The following ATP10B variants were observed in gnomAD, a reference collection of about 807,000 sequenced individuals.
The protein encoded by ATP10B is phospholipid-transporting ATPase VB.
ATP10B carries 122 observed loss-of-function variants against 141.2 expected under a neutral mutation model. That is an observed-to-expected ratio of 0.86 (90% CI 0.75 to 1.00). ATP10B has a LOEUF of 1.00. Among genes scored for constraint, ATP10B ranks in the 50% least tolerant of loss-of-function variants. The pLI is 0.00. For synonymous variants in ATP10B, 685 were observed against 692.0 expected, an observed-to-expected ratio of 0.99 and a Z score of 0.16; for missense variants, 1,876 against 1,825.3, an observed-to-expected ratio of 1.03 and a Z score of -0.51.
chr5:160,898,188 G>C, the ATP10B span, among the ~76,000 whole-genome samples: 1 of 152,124 alleles, frequency 6.6e-6, no homozygotes, highest in African/African-American at 2.4e-5. Context: ...CACAGCAAAA[G>C]AAACTATCAT....
intron 13 of ATP10B, among the ~76,000 whole-genome samples, chr5:160,624,455 GA>G (rs1758508764): frequency 1.3e-5 from 2 of 152,194 alleles, no homozygotes; most frequent in African/African-American, 2.4e-5. Context: ...ACAACTTCCA[GA>G]AAAAAAGTCT....
chr5:160,750,902 G>A (rs1307189853), intron 2 of ATP10B, among the ~76,000 whole-genome samples: 1 of 152,120 alleles, frequency 6.6e-6, no homozygotes, highest in African/African-American at 2.4e-5. Context: ...AACCAGAAAT[G>A]CCCCAGGACT....
chr5:160,663,373 A>T (rs1365371274), intron 7 of ATP10B, among the ~76,000 whole-genome samples: 1 of 152,236 alleles, frequency 6.6e-6, no homozygotes, highest in African/African-American at 2.4e-5. Context: ...ACAATAGCAA[A>T]GACTTGGAAC....
At chr5:160,803,362 A>T (rs188654408) in intron 1 of ATP10B, among the ~76,000 whole-genome samples, 1 of 152,274 alleles carries the variant, frequency 6.6e-6, no homozygotes, top group African/African-American at 2.4e-5. Flanking sequence ...TACTTTTTAG[A>T]GGCATCAACT....
the ATP10B span, among the ~76,000 whole-genome samples, chr5:160,872,125 G>A: frequency 6.6e-6 from 1 of 152,058 alleles, no homozygotes; most frequent in Non-Finnish European, 1.5e-5. Context: ...ATTTTGGTTT[G>A]CACTTCTCTG....
rs1194308004 is a variant in ATP10B, at chr5:160,709,594, AT to A, written c.-205+7314del. 8.4e-3 allele frequency among the ~76,000 whole-genome samples: 1,090 copies of A among 129,258 alleles called. 9 individuals are homozygous for A. Among genetic ancestry groups the A allele is most frequent in the African/African-American group, 0.024 (894 of 36,548 alleles). The allele number at this position is 129,258 out of a possible 152,430, so 84.8% of individuals were successfully genotyped here. A position where few individuals can be genotyped will look rare whatever the true frequency, so the allele number is the denominator to read the frequency against. Reference sequence around the variant, plus strand: ...ATGCAATGGATACTTTCATAAACAAATTTTTTTTTTTTAATTTTTTTTTTTT... The same window carrying A: ...ATGCAATGGATACTTTCATAAACAAATTTTTTTTTTTAATTTTTTTTTTTT... On this transcript the variant is annotated intron_variant, in intron 3 of 25. Transcript: ENST00000327245.
Position 160,610,867 on chromosome 5 carries a change from G to A in ATP10B, c.2838+1874C>T, listed in dbSNP as rs76072999. On this transcript the variant is annotated intron_variant, in intron 18 of 25. Coordinates refer to ENST00000327245, the MANE Select transcript of ATP10B (RefSeq NM_025153.3). ...TTAGTTAGTAATTCTCTCATCTTCC[G>A]GATGAGAATTCTGAGGTCTAGGTCG... is the stretch of plus-strand genomic sequence containing the variant. Among the ~76,000 whole-genome samples, 1,411 of 152,108 alleles carry A rather than the reference G, an allele frequency of 9.3e-3. 16 individuals carry two copies. Among genetic ancestry groups the A allele is most frequent in the African/African-American group, 0.032 (1,332 of 41,486 alleles).
chr5:160,828,500 CAAT>C (rs1774806956), intron 1 of ATP10B, among the ~76,000 whole-genome samples: 1 of 152,068 alleles, frequency 6.6e-6, no homozygotes, highest in Admixed American at 6.5e-5. Flanking sequence ...ATCAAAACCA[CAAT>C]GAGATACCAT....
chr5:160,921,274 G>C, the ATP10B span, among the ~76,000 whole-genome samples: 11 of 121,878 alleles, frequency 9.0e-5, no homozygotes, highest in East Asian at 3.5e-3. Context: ...TCAGCACTTT[G>C]TTTTTTTTTT....
At chr5:160,782,444 C>T (rs1292498859) in intron 2 of ATP10B, among the ~76,000 whole-genome samples, 5 of 84,998 alleles carry the variant, frequency 5.9e-5, no homozygotes, top group African/African-American at 2.0e-4. Flanking sequence ...TCCATACACA[C>T]ACACACACAC....
At chr5:160,858,503 C>G in the ATP10B span, among the ~76,000 whole-genome samples, 1 of 151,784 alleles carries the variant, frequency 6.6e-6, no homozygotes, top group Non-Finnish European at 1.5e-5. Context: ...CAGATATTTT[C>G]CACCTGCCAG....
At chr5:160,856,923 T>A (rs1440388015), upstream of ATP10B, among the ~76,000 whole-genome samples, 1 of 151,810 alleles carries the variant, frequency 6.6e-6, no homozygotes, top group East Asian at 1.9e-4. Flanking sequence ...TAGACTCCAT[T>A]TGGCCATCAT....
intron 7 of ATP10B, among the ~76,000 whole-genome samples, chr5:160,667,174 T>C (rs1031991261): frequency 2.6e-5 from 4 of 152,208 alleles, no homozygotes; most frequent in African/African-American, 9.6e-5. Flanking sequence ...GCAGAGATCG[T>C]GCCACTGCAC....
intron 6 of ATP10B, among the ~76,000 whole-genome samples, chr5:160,674,016 C>A (rs1373538816): frequency 6.6e-6 from 1 of 151,712 alleles, no homozygotes; most frequent in Non-Finnish European, 1.5e-5. Context: ...CCTTTTTTTT[C>A]TCCCTTCTTT....
chr5:160,803,437 G>A (rs1253361826), intron 1 of ATP10B, among the ~76,000 whole-genome samples: 2 of 152,178 alleles, frequency 1.3e-5, no homozygotes, highest in Non-Finnish European at 2.9e-5. Flanking sequence ...CAGCACTTTG[G>A]GAGGCTGAGG....
chr5:160,915,185 T>C, the ATP10B span, among the ~76,000 whole-genome samples: 331 of 152,268 alleles, frequency 2.2e-3, no homozygotes, highest in African/African-American at 7.5e-3. Flanking sequence ...AAAAATATGA[T>C]GAAATAACAT....
intron 25 of ATP10B, among the ~76,000 whole-genome samples, 171 bp from the exon 26 acceptor site, chr5:160,566,071 TAAC>T (rs1170281536): frequency 1.3e-5 from 2 of 152,140 alleles, no homozygotes; most frequent in Admixed American, 1.3e-4. Context: ...ACAACAAAAA[TAAC>T]AACAAAACAT....
At chr5:160,849,086 T>C (rs1753634687) in intron 1 of ATP10B, among the ~76,000 whole-genome samples, 2 of 152,178 alleles carry the variant, frequency 1.3e-5, no homozygotes, top group African/African-American at 4.8e-5. Flanking sequence ...CGAGTAATTC[T>C]GATACAGCCG....
At position 160,606,791 on chromosome 5, in the gene ATP10B, T is replaced by C; in HGVS notation, c.3134A>G (p.Lys1045Arg). The change falls in exon 19 of 26, where the codon AAG (lysine) becomes AGG (arginine). Residue 1045 changes from lysine to arginine, a missense_variant. Coordinates refer to ENST00000327245, the MANE Select transcript of ATP10B (RefSeq NM_025153.3). The stretch of plus-strand genomic sequence containing the variant: ...TATGGAAAGGGTCATGACGCGCAAC[T>C]TGTCTCGCACCAGCTTGACTATCAT... ...KSMIVKLVRD[K>R]LRVMTLSIGD... The C allele has an allele frequency of 6.2e-7, 1 of 1,613,904 alleles. No homozygotes were observed. Among genetic ancestry groups the C allele is most frequent in the South Asian group, 1.1e-5 (1 of 91,082 alleles).
Sources: gnomAD v4.1 joint callset for allele counts (sites outside exome capture counted in the v4.1 genomes callset) on GRCh38, gnomAD v4.1.1 for gene constraint, MANE v1.5 for transcripts, NCBI Gene and HGNC (gene_info 2026-07-23, HGNC 2026-07-21) for gene names.